FBXO42: variants seen among roughly 807,000 people sequenced by gnomAD.
FBXO42 encodes F-box only protein 42.
In FBXO42, 12 loss-of-function variants were observed where a neutral mutation model predicts 71.7. The ratio of observed to expected loss-of-function variants is 0.17; its 90% confidence interval spans 0.11 to 0.27. The LOEUF (loss-of-function observed/expected upper bound fraction) is 0.27. FBXO42 is among the 10% of genes least tolerant of loss of function. The pLI, the probability that FBXO42 is intolerant of heterozygous loss-of-function variation, is 1.00. For missense variants in FBXO42, 707 were observed against 911.9 expected, an observed-to-expected ratio of 0.78 and a Z score of 2.89; for synonymous variants, 325 against 327.5, an observed-to-expected ratio of 0.99 and a Z score of 0.08.
chr1:16,278,664 C>A (rs2081929997), intron 4 of FBXO42, among the ~76,000 whole-genome samples: 1 of 152,140 alleles, frequency 6.6e-6, no homozygotes, highest in African/African-American at 2.4e-5. Context: ...TGACAGTAAG[C>A]TTCATTAACG....
intron 1 of FBXO42, among the ~76,000 whole-genome samples, chr1:16,342,863 T>A (rs1403163335): frequency 1.3e-5 from 2 of 151,966 alleles, no homozygotes; most frequent in Non-Finnish European, 2.9e-5. Context: ...CGAAACTAGA[T>A]TAGTTCCTGG....
chr1:16,260,539 C>T (rs550468952), intron 4 of FBXO42, among the ~76,000 whole-genome samples: 27 of 152,114 alleles, frequency 1.8e-4, no homozygotes, highest in African/African-American at 6.3e-4. Flanking sequence ...AAGTGCTTTG[C>T]ATGTATTAAT....
intron 4 of FBXO42, among the ~76,000 whole-genome samples, chr1:16,285,310 G>T (rs1373487003): frequency 6.6e-6 from 1 of 151,822 alleles, no homozygotes; most frequent in Non-Finnish European, 1.5e-5. Flanking sequence ...CCCATGCTCT[G>T]TTGCCCAGGC....
At position 16,315,320 on chromosome 1, in the gene FBXO42, G is replaced by T; in HGVS notation, c.99C>A (p.His33Gln). 3.1e-6 allele frequency: 5 copies of T among 1,614,094 alleles called. No individual in the cohort carries two copies. The highest frequency in any genetic ancestry group is 4.2e-6 in the Non-Finnish European group (5 of 1,180,012). The change falls in exon 2 of 10, where the codon CAC (histidine) becomes CAA (glutamine). Residue 33 changes from histidine to glutamine, a missense_variant. Coordinates refer to ENST00000375592, the MANE Select transcript of FBXO42 (RefSeq NM_018994.3). Reference protein sequence around the residue: ...EGTMDQDEEPHPVLEAEETRH... With the variant: ...EGTMDQDEEPQPVLEAEETRH... ...TAGTCTCCTCAGCCTCCAATACTGG[G>T]TGGGGCTCCTCATCTTGATCCATTG...
At chr1:16,335,130 A>G (rs1215991660) in intron 1 of FBXO42, among the ~76,000 whole-genome samples, 1 of 151,782 alleles carries the variant, frequency 6.6e-6, no homozygotes. Flanking sequence ...AAAAAAGAGA[A>G]AAGAAAATAA....
At chr1:16,334,250 G>A (rs1480707283) in intron 1 of FBXO42, among the ~76,000 whole-genome samples, 1 of 151,896 alleles carries the variant, frequency 6.6e-6, no homozygotes, top group South Asian at 2.1e-4. Flanking sequence ...TGGTTAACAC[G>A]GTGAAACCCC....
intron 3 of FBXO42, among the ~76,000 whole-genome samples, chr1:16,300,481 C>T (rs1333374285): frequency 6.6e-6 from 1 of 152,188 alleles, no homozygotes; most frequent in Non-Finnish European, 1.5e-5. Flanking sequence ...TCAATAAATG[C>T]TCACTAAATG....
rs2081581227 is a variant in FBXO42 at position 16,250,589 on chromosome 1, T to C, written c.*81A>G. The C allele has an allele frequency of 1.3e-6, 2 of 1,491,958 alleles. No homozygotes were observed. Among genetic ancestry groups the C allele is most frequent in the African/African-American group, 1.4e-5 (1 of 71,302 alleles). The allele number at this position is 1,491,958 out of a possible 1,614,324, so 92.4% of individuals were successfully genotyped here. A position where few individuals can be genotyped will look rare whatever the true frequency, so the allele number is the denominator to read the frequency against. ...TTGGCTTCTGGGAGTAATTTTGTTT[T>C]CCCAATTCTCAGTCCAAATGCTTAC... On this transcript the variant is annotated 3_prime_UTR_variant, in exon 10 of 10. Transcript: ENST00000375592. The surrounding 1 kb of genome is among the most constrained non-coding windows in gnomAD (Gnocchi z 4.7).
At chr1:16,312,805 T>TC (rs1350001605) in intron 2 of FBXO42, among the ~76,000 whole-genome samples, 1 of 151,868 alleles carries the variant, frequency 6.6e-6, no homozygotes, top group East Asian at 1.9e-4. Flanking sequence ...TTGCTTTTTT[T>TC]TTTTTTTGAG....
intron 1 of FBXO42, among the ~76,000 whole-genome samples, chr1:16,319,134 G>C (rs77086140): frequency 1.3e-5 from 2 of 152,154 alleles, no homozygotes. Flanking sequence ...TCCCAAAATT[G>C]GGAAAAGCTG....
chr1:16,282,523 G>A (rs1426058845), intron 4 of FBXO42, among the ~76,000 whole-genome samples: 2 of 120,154 alleles, frequency 1.7e-5, no homozygotes, highest in African/African-American at 5.5e-5. Flanking sequence ...ACTGTGCCCG[G>A]CCATTTTCTC....
chr1:16,285,016 C>T (rs575565877), intron 4 of FBXO42, among the ~76,000 whole-genome samples: 4 of 151,562 alleles, frequency 2.6e-5, no homozygotes, highest in East Asian at 2.0e-4. Flanking sequence ...CGTGGTGGCA[C>T]GTGCCTGTAA....
Position 16,247,015 on chromosome 1 carries a change from T to C in FBXO42, c.*3655A>G, listed in dbSNP as rs1569791377. 6.6e-6 allele frequency: 1 copy of C among 152,304 alleles called. No individual in the cohort carries two copies. The highest frequency in any genetic ancestry group is 2.1e-4 in the South Asian group (1 of 4,824). The allele number at this position is 152,304 out of a possible 1,614,324, so 9.4% of individuals were successfully genotyped here. On this transcript the variant is annotated 3_prime_UTR_variant, in exon 10 of 10. Transcript: ENST00000375592. ...AGCCACCTGGCATCCCTGAGTTGTATGGGAAACATCACTCACAGCACCAGC... is the reference window on the plus strand; with the variant it reads ...AGCCACCTGGCATCCCTGAGTTGTACGGGAAACATCACTCACAGCACCAGC...
chr1:16,293,414 C>T (rs2082099825), intron 4 of FBXO42: 1 of 152,448 alleles, frequency 6.6e-6, no homozygotes, highest in African/African-American at 2.4e-5. Flanking sequence ...AGCCAGTGGG[C>T]CTGGCTTGTA....
At chr1:16,262,660 T>C (rs1244627380) in intron 4 of FBXO42, among the ~76,000 whole-genome samples, 1 of 152,054 alleles carries the variant, frequency 6.6e-6, no homozygotes, top group African/African-American at 2.4e-5. Context: ...CCAGTACACA[T>C]GGGGTGGTCA....
At chr1:16,270,751 TACACACACACACAC>T (rs58610558) in intron 4 of FBXO42, among the ~76,000 whole-genome samples, 1,386 of 111,000 alleles carry the variant, frequency 0.012, 26 homozygotes, top group African/African-American at 0.044. Context: ...TACCATGAGA[TACACACACACACAC>T]ACACACACAC....
Position 16,331,537 on chromosome 1 carries a change from C to T in FBXO42, c.-17-16102G>A, listed in dbSNP as rs563529324. 4.0e-5 allele frequency among the ~76,000 whole-genome samples: 6 copies of T among 151,478 alleles called. No homozygotes were observed. In the South Asian group the frequency reaches 1.3e-3, roughly 32 times the overall value. ...TGGGAGGCCAAGGTGGGTGGATCAC[C>T]TGAGCTCAGGGGTTCGAGACCAGCC... is the stretch of plus-strand genomic sequence containing the variant. On this transcript the variant is annotated intron_variant, in intron 1 of 9. Coordinates refer to ENST00000375592, the MANE Select transcript of FBXO42 (RefSeq NM_018994.3).
In FBXO42 at chr1:16,309,619, G is replaced by A. The variant is rs183705811; in HGVS notation, c.251-3700C>T. On this transcript the variant is annotated intron_variant, in intron 2 of 9. Transcript: ENST00000375592. ...TGATCCATGAAAGAAAGAATGGCCA[G>A]GCATGGTAGCTCACGCCTGTAATCC... is the stretch of plus-strand genomic sequence containing the variant. Among the ~76,000 whole-genome samples, 208 of 152,248 alleles carry A rather than the reference G, an allele frequency of 1.4e-3. 3 individuals carry two copies. Among genetic ancestry groups the A allele is most frequent in the African/African-American group, 4.8e-3 (201 of 41,554 alleles).
intron 4 of FBXO42, among the ~76,000 whole-genome samples, chr1:16,268,430 T>C (rs1419730713): frequency 6.6e-6 from 1 of 152,128 alleles, no homozygotes; most frequent in African/African-American, 2.4e-5. Context: ...ACAAGAAGGA[T>C]TTCTTCCTTT....
Sources: gnomAD v4.1 joint callset for allele counts (sites outside exome capture counted in the v4.1 genomes callset) on GRCh38, gnomAD v4.1.1 for gene constraint, Gnocchi (gnomAD v3.1) non-coding constraint, MANE v1.5 for transcripts, NCBI Gene and HGNC (gene_info 2026-07-23, HGNC 2026-07-21) for gene names.